SLC12A7: variants seen among roughly 807,000 people sequenced by gnomAD.
SLC12A7 encodes the protein solute carrier family 12 member 7, also known as K-Cl cotransporter 4.
SLC12A7 carries 100 observed loss-of-function variants against 120.6 expected under a neutral mutation model. The observed-to-expected ratio is 0.83, with a 90% CI of 0.71 to 0.98. SLC12A7 has a LOEUF of 0.98. SLC12A7 is among the 50% of genes least tolerant of loss of function. The probability of loss-of-function intolerance (pLI) is 0.00; values close to 1 mark genes in which losing one functional copy is unlikely to be tolerated. For missense variants in SLC12A7, 1,373 were observed against 1,548.1 expected, an observed-to-expected ratio of 0.89 and a Z score of 1.90; for synonymous variants, 760 against 678.0, an observed-to-expected ratio of 1.12 and a Z score of -1.88.
At chr5:1,065,569 C>T in intron 17 of SLC12A7, 91 bp from the exon 18 acceptor site, 1 of 1,045,944 alleles carries the variant, frequency 9.6e-7, no homozygotes, top group East Asian at 2.7e-5. Context: ...ACCCGCACCA[C>T]CTCCCCTGTG....
chr5:1,111,314 C>A (rs1452273636), intron 1 of SLC12A7, among the ~76,000 whole-genome samples: 1 of 152,182 alleles, frequency 6.6e-6, no homozygotes, highest in Non-Finnish European at 1.5e-5. Context: ...GAGGACGCGG[C>A]CTGAGCAAGG....
intron 8 of SLC12A7, among the ~76,000 whole-genome samples, chr5:1,082,252 T>A (rs1739241203): frequency 1.4e-5 from 2 of 144,004 alleles, no homozygotes; most frequent in Admixed American, 1.4e-4. Context: ...GGGCTTCCTC[T>A]CTAGGGTTCT....
In SLC12A7 at chr5:1,085,455, C is replaced by T. The variant is rs948215698; in HGVS notation, c.694G>A (p.Ala232Thr). The stretch of plus-strand genomic sequence containing the variant: ...GCAGCCTCCGCCTGGAAGATGGCCG[C>T]ACCCGGGGAGATGTACGTCTGTGGG... ...EIFLTYISPG[A>T]AIFQAEAAGG... The change falls in exon 7 of 24, where the codon GCG becomes ACG. Residue 232 changes from alanine (A) to threonine (T), a missense_variant. Transcript: ENST00000264930. 5 of 1,607,638 alleles carry T rather than the reference C, an allele frequency of 3.1e-6. No homozygotes were observed. Among genetic ancestry groups the T allele is most frequent in the Non-Finnish European group, 4.2e-6 (5 of 1,177,798 alleles).
chr5:1,092,994 G>A (rs1240708356), intron 3 of SLC12A7, among the ~76,000 whole-genome samples: 3 of 152,070 alleles, frequency 2.0e-5, no homozygotes, highest in Non-Finnish European at 4.4e-5. Flanking sequence ...TCCACACCTC[G>A]TCACCCACAG....
At chr5:1,148,356 A>G in the SLC12A7 span, among the ~76,000 whole-genome samples, 8 of 151,512 alleles carry the variant, frequency 5.3e-5, no homozygotes, top group East Asian at 1.9e-4. Context: ...ACAGGCGCCC[A>G]CCACCACGCC....
rs1464664366 is a variant in SLC12A7 at position 1,081,714 on chromosome 5, C to A, written c.1160G>T (p.Gly387Val). ...CACACCTTTCTTCTCCACAAACGCC[C>A]CCGCGTGCGCGTACGTACTCCACAG... is the stretch of plus-strand genomic sequence containing the variant. ...ENLWSTYAHA[G>V]AFVEKKGVPS... The change falls in exon 9 of 24, where the codon GGG becomes GTG. Residue 387 changes from glycine (G) to valine (V), a missense_variant. Physicochemically the swap from Gly to Val is moderately radical, Grantham distance 109. Coordinates refer to ENST00000264930, the MANE Select transcript of SLC12A7 (RefSeq NM_006598.3). 4.3e-6 allele frequency: 7 copies of A among 1,612,954 alleles called. No individual in the cohort carries two copies. Among genetic ancestry groups the A allele is most frequent in the Non-Finnish European group, 5.9e-6 (7 of 1,179,960 alleles).
chr5:1,083,851 G>A lies in SLC12A7; in HGVS notation c.1023C>T (p.Leu341=). The A allele has an allele frequency of 6.2e-7, 1 of 1,607,938 alleles. No individual in the cohort carries two copies. Among genetic ancestry groups the A allele is most frequent in the Non-Finnish European group, 8.5e-7 (1 of 1,176,832 alleles). The change falls in exon 8 of 24, where the codon CTC becomes CTT. Residue 341 remains leucine (L), a synonymous_variant. Coordinates refer to ENST00000264930, the MANE Select transcript of SLC12A7 (RefSeq NM_006598.3). ...CGCTGGGCTGGGAGCCGTTGCAGAA[G>A]AGGCCCCAGAGCGCGGAGGTGGCTG... The part of the protein sequence containing the change: ...NNSATSALWG[L]FCNGSQPSAA...
chr5:1,151,181 T>G, the SLC12A7 span, among the ~76,000 whole-genome samples: 1 of 152,200 alleles, frequency 6.6e-6, no homozygotes, highest in Non-Finnish European at 1.5e-5. The surrounding 1 kb of genome is among the most constrained non-coding windows in gnomAD (Gnocchi z 6.2). Flanking sequence ...CAAAGGCGCC[T>G]TCTACCATGA....
chr5:1,058,350 G>A (rs879793590), intron 21 of SLC12A7, among the ~76,000 whole-genome samples: 3 of 152,206 alleles, frequency 2.0e-5, no homozygotes, highest in South Asian at 2.1e-4. Context: ...CACCCTTCAC[G>A]CCCTCCATGC....
intron 21 of SLC12A7, among the ~76,000 whole-genome samples, chr5:1,059,829 T>C (rs1335358743): frequency 9.3e-6 from 1 of 107,330 alleles, no homozygotes; most frequent in African/African-American, 3.2e-5. Context: ...ACACTCACTC[T>C]CCCCTCCCAC....
intron 1 of SLC12A7, among the ~76,000 whole-genome samples, chr5:1,101,492 C>T (rs552262295): frequency 1.3e-5 from 2 of 152,244 alleles, no homozygotes; most frequent in South Asian, 2.1e-4. Flanking sequence ...CAGCAAAGGC[C>T]GACAGCCGCT....
chr5:1,139,726 C>T, the SLC12A7 span, among the ~76,000 whole-genome samples: 2 of 152,230 alleles, frequency 1.3e-5, no homozygotes, highest in African/African-American at 4.8e-5. Context: ...TTTTGTGACC[C>T]ACGTCCCTCC....
the SLC12A7 span, among the ~76,000 whole-genome samples, chr5:1,119,765 G>A: frequency 1.3e-5 from 2 of 152,248 alleles, no homozygotes; most frequent in Non-Finnish European, 2.9e-5. Context: ...GAACACGCCC[G>A]ATTCCTTCCA....
At position 1,087,640 on chromosome 5, in the gene SLC12A7, C is replaced by G. The variant is rs146713449; in HGVS notation, c.545-607G>C. Among the ~76,000 whole-genome samples, 49 of 152,336 alleles carry G rather than the reference C, an allele frequency of 3.2e-4. 1 individual carries two copies. The highest frequency in any genetic ancestry group is 2.4e-3 in the Admixed American group (37 of 15,308). On this transcript the variant is annotated intron_variant, in intron 5 of 23. Coordinates refer to ENST00000264930, the MANE Select transcript of SLC12A7 (RefSeq NM_006598.3). ...GTGCTCTCCTGAGGCCGGGGAAGTCCGCTGAGCACCAAGCGATGCCCCCGT... is the reference window on the plus strand; with the variant it reads ...GTGCTCTCCTGAGGCCGGGGAAGTCGGCTGAGCACCAAGCGATGCCCCCGT...
At chr5:1,074,888 G>C (rs73028857) in intron 15 of SLC12A7, among the ~76,000 whole-genome samples, 1 of 152,120 alleles carries the variant, frequency 6.6e-6, no homozygotes, top group African/African-American at 2.4e-5. Flanking sequence ...TGGAGGGAAC[G>C]AGGTCTACGT....
chr5:1,061,546 C>G (rs1328023293), intron 20 of SLC12A7, among the ~76,000 whole-genome samples: 1 of 147,216 alleles, frequency 6.8e-6, no homozygotes, highest in South Asian at 2.2e-4. Flanking sequence ...CCATGCGGGA[C>G]CCCTGCGTCT....
intron 3 of SLC12A7, among the ~76,000 whole-genome samples, chr5:1,090,429 G>A (rs1740369079): frequency 1.3e-5 from 2 of 152,226 alleles, no homozygotes; most frequent in Non-Finnish European, 2.9e-5. Flanking sequence ...GGGGGCCCTG[G>A]AGAGGAGAGG....
intron 16 of SLC12A7, among the ~76,000 whole-genome samples, chr5:1,074,195 ACC>A (rs879563607): frequency 9.3e-4 from 140 of 151,172 alleles, no homozygotes; most frequent in Middle Eastern, 3.4e-3. Flanking sequence ...CCCGGGGCAC[ACC>A]CGAGGCCCCC....
At chr5:1,147,998 G>C in the SLC12A7 span, among the ~76,000 whole-genome samples, 3 of 151,706 alleles carry the variant, frequency 2.0e-5, no homozygotes, top group African/African-American at 7.3e-5. Context: ...GCCTCCCAAA[G>C]AGCTGGGATT....
Sources: gnomAD v4.1 joint callset for allele counts (sites outside exome capture counted in the v4.1 genomes callset) on GRCh38, gnomAD v4.1.1 for gene constraint, Gnocchi (gnomAD v3.1) non-coding constraint, MANE v1.5 for transcripts, NCBI Gene and HGNC (gene_info 2026-07-23, HGNC 2026-07-21) for gene names.